MITF: variants seen among roughly 807,000 people sequenced by gnomAD.
MITF encodes microphthalmia-associated transcription factor.
MITF carries 17 observed loss-of-function variants against 60.5 expected under a neutral mutation model. The observed-to-expected ratio is 0.28, with a 90% confidence interval of 0.19 to 0.42. The LOEUF (loss-of-function observed/expected upper bound fraction) is 0.42. Among genes scored for constraint, MITF ranks in the 10% least tolerant of loss-of-function variants. MITF has a pLI of 1.00. For missense variants in MITF, 622 were observed against 683.5 expected, an observed-to-expected ratio of 0.91 and a Z score of 1.00; for synonymous variants, 260 against 248.5, an observed-to-expected ratio of 1.05 and a Z score of -0.43.
intron 1 of MITF, among the ~76,000 whole-genome samples, chr3:69,802,382 T>C (rs2062935717): frequency 6.6e-6 from 1 of 152,196 alleles, no homozygotes; most frequent in Non-Finnish European, 1.5e-5. Context: ...TCTTTTCTGA[T>C]TCGTGCGTTT....
intron 1 of MITF, among the ~76,000 whole-genome samples, chr3:69,759,708 A>T (rs1201378912): frequency 1.3e-5 from 2 of 152,260 alleles, no homozygotes; most frequent in Admixed American, 1.3e-4. Context: ...AAACATTTTA[A>T]AACACTATCT....
At chr3:69,772,103 T>C (rs2062403673) in intron 1 of MITF, among the ~76,000 whole-genome samples, 1 of 152,194 alleles carries the variant, frequency 6.6e-6, no homozygotes, top group South Asian at 2.1e-4. Flanking sequence ...GTAGCCTGGA[T>C]GCAAACCTTT....
chr3:69,794,061 C>T (rs2062788372), intron 1 of MITF, among the ~76,000 whole-genome samples: 2 of 152,286 alleles, frequency 1.3e-5, no homozygotes, highest in African/African-American at 4.8e-5. Context: ...GTATAGGAGG[C>T]AGTGGCATCC....
At chr3:69,949,011 G>C (rs376905046) in intron 5 of MITF, 40 bp from the exon 6 acceptor site, 3 of 1,408,838 alleles carry the variant, frequency 2.1e-6, no homozygotes, top group Non-Finnish European at 3.0e-6. Flanking sequence ...CATGGGAATT[G>C]TTCAACAGTT....
At chr3:69,829,747 A>AACC (rs1285088182) in intron 1 of MITF, among the ~76,000 whole-genome samples, 3 of 152,100 alleles carry the variant, frequency 2.0e-5, no homozygotes, top group Non-Finnish European at 2.9e-5. Flanking sequence ...TTCCACTTGG[A>AACC]CTACTAATGC....
Position 69,846,619 on chromosome 3 carries a change from A to C in MITF, c.105-32515A>C, listed in dbSNP as rs182369670. Among the ~76,000 whole-genome samples, 21 of 152,238 alleles carry C rather than the reference A, an allele frequency of 1.4e-4. 1 individual carries two copies. The East Asian group carries it at 3.9e-3, about 28-fold the overall frequency. On this transcript the variant is annotated intron_variant, in intron 1 of 9. Transcript: ENST00000352241. ...CACCTGAGGTCAGGAGTTTGAGACC[A>C]GCCTGGTCTCAACATGGTGAAACCT...
chr3:69,887,799 CATT>C (rs2064657888), intron 2 of MITF, among the ~76,000 whole-genome samples: 1 of 151,880 alleles, frequency 6.6e-6, no homozygotes, highest in South Asian at 2.1e-4. Flanking sequence ...AAGGCTTTAT[CATT>C]ATTATTATGA....
chr3:69,818,266 A>G (rs146622077), intron 1 of MITF, among the ~76,000 whole-genome samples: 14 of 152,102 alleles, frequency 9.2e-5, no homozygotes, highest in Non-Finnish European at 1.6e-4. Context: ...TCCTCCCACC[A>G]TCCTTTTTTC....
At chr3:69,839,449 T>A (rs1473017761) in intron 1 of MITF, among the ~76,000 whole-genome samples, 1 of 152,086 alleles carries the variant, frequency 6.6e-6, no homozygotes, top group African/African-American at 2.4e-5. Flanking sequence ...ATTACTTTTT[T>A]TTTTCTTCCG....
At chr3:69,830,112 G>A (rs2063421201) in intron 1 of MITF, among the ~76,000 whole-genome samples, 1 of 152,178 alleles carries the variant, frequency 6.6e-6, no homozygotes, top group Non-Finnish European at 1.5e-5. Context: ...AATTAGGGCA[G>A]TGTTTTGTGC....
At chr3:69,770,223 G>T (rs2062371807) in intron 1 of MITF, among the ~76,000 whole-genome samples, 1 of 152,126 alleles carries the variant, frequency 6.6e-6, no homozygotes, top group Non-Finnish European at 1.5e-5. Flanking sequence ...AGATTATGTT[G>T]ATACTTGAGT....
intron 1 of MITF, among the ~76,000 whole-genome samples, chr3:69,866,057 A>C (rs141615888): frequency 3.0e-4 from 46 of 152,282 alleles, no homozygotes; most frequent in Admixed American, 1.2e-3. Context: ...GTCCTTGAGT[A>C]GCCCTCATTG....
At chr3:69,754,248 ACT>A (rs1008658826) in intron 1 of MITF, among the ~76,000 whole-genome samples, 23 of 148,580 alleles carry the variant, frequency 1.5e-4, no homozygotes, top group Middle Eastern at 3.4e-3. Context: ...ACAGAGTCTC[ACT>A]CTGTCACCCA....
At chr3:69,933,922 A>G (rs1183999237) in intron 2 of MITF, among the ~76,000 whole-genome samples, 3 of 152,338 alleles carry the variant, frequency 2.0e-5, no homozygotes, top group South Asian at 4.1e-4. Context: ...CTGAAGACAG[A>G]AAATTATATT....
chr3:69,789,614 G>A (rs765449146), intron 1 of MITF, among the ~76,000 whole-genome samples: 3 of 152,174 alleles, frequency 2.0e-5, no homozygotes, highest in African/African-American at 4.8e-5. Context: ...CCAGCACTTT[G>A]GGAGGCCAAC....
intron 2 of MITF, among the ~76,000 whole-genome samples, chr3:69,920,600 G>T (rs1476508170): frequency 2.0e-5 from 3 of 152,072 alleles, no homozygotes; most frequent in East Asian, 1.9e-4. Context: ...TGCCTCAGCT[G>T]CCAGGCAGGG....
At chr3:69,761,423 C>T (rs1490026459) in intron 1 of MITF, among the ~76,000 whole-genome samples, 6 of 152,284 alleles carry the variant, frequency 3.9e-5, no homozygotes, top group South Asian at 2.1e-4. Flanking sequence ...GGTTGAACCG[C>T]GATTCAAACT....
At chr3:69,921,651 G>C (rs2065470605) in intron 2 of MITF, among the ~76,000 whole-genome samples, 1 of 152,110 alleles carries the variant, frequency 6.6e-6, no homozygotes, top group Non-Finnish European at 1.5e-5. Flanking sequence ...GTCAAGACAA[G>C]ATGTGAAATA....
At chr3:69,739,731 C>G (rs917971341) in intron 1 of MITF, 30 bp downstream of exon 1, 2 of 1,517,668 alleles carry the variant, frequency 1.3e-6, no homozygotes, top group Middle Eastern at 1.7e-4. Context: ...CAGAGGCGCA[C>G]CGGGCGGCTG....
Sources: gnomAD v4.1 joint callset for allele counts (sites outside exome capture counted in the v4.1 genomes callset) on GRCh38, gnomAD v4.1.1 for gene constraint, MANE v1.5 for transcripts, NCBI Gene and HGNC (gene_info 2026-07-23, HGNC 2026-07-21) for gene names.